WDR49: variants seen among roughly 807,000 people sequenced by gnomAD.
The protein encoded by WDR49 is WD repeat domain 49.
In WDR49, 107 loss-of-function variants were observed where a neutral mutation model predicts 119.5. The ratio of observed to expected loss-of-function variants is 0.90; its 90% CI spans 0.77 to 1.05. The LOEUF is 1.05. Among genes scored for constraint, WDR49 ranks in the 50% least tolerant of loss-of-function variants. WDR49 has a pLI of 0.00. For synonymous variants in WDR49, 425 were observed against 418.8 expected (o/e 1.01, Z -0.18); for missense variants, 1,240 against 1,220.5 (o/e 1.02, Z -0.24).
chr3:167,655,057 G>A (rs1238512051), upstream of WDR49, among the ~76,000 whole-genome samples: 1 of 152,148 alleles, frequency 6.6e-6, no homozygotes, highest in Non-Finnish European at 1.5e-5. Flanking sequence ...AATTTATAAA[G>A]GAAAGAGGTT....
chr3:167,621,958 T>C (rs1394041494), intron 3 of WDR49, among the ~76,000 whole-genome samples: 4 of 152,192 alleles, frequency 2.6e-5, no homozygotes, highest in South Asian at 2.1e-4. Flanking sequence ...CACAGAGATA[T>C]AGCATGATAC....
chr3:167,570,633 A>G (rs1345462477), intron 8 of WDR49, among the ~76,000 whole-genome samples: 1 of 152,262 alleles, frequency 6.6e-6, no homozygotes, highest in East Asian at 1.9e-4. Flanking sequence ...AACTTTGTAC[A>G]GATGCTATAC....
chr3:167,566,582 C>T (rs1035490219), intron 8 of WDR49, among the ~76,000 whole-genome samples: 1 of 152,018 alleles, frequency 6.6e-6, no homozygotes, highest in Non-Finnish European at 1.5e-5. Context: ...TAAGTTTACG[C>T]TGCAACAACA....
At chr3:167,511,577 TC>T (rs1359070996) in intron 16 of WDR49, among the ~76,000 whole-genome samples, 1 of 152,160 alleles carries the variant, frequency 6.6e-6, no homozygotes, top group Non-Finnish European at 1.5e-5. Context: ...CATGTTTTTT[TC>T]CACCGATCTG....
At chr3:167,559,926 T>C (rs1320337166) in intron 9 of WDR49, 138 bp downstream of exon 9, 1 of 804,882 alleles carries the variant, frequency 1.2e-6, no homozygotes, top group African/African-American at 1.7e-5. Context: ...TGGTTGGAGT[T>C]ATTTCACTCT....
In WDR49 at chr3:167,572,378, T is replaced by C. The variant is rs534199058; in HGVS notation, c.1509+3540A>G. Among the ~76,000 whole-genome samples the C allele has an allele frequency of 7.2e-5, 11 of 152,330 alleles. 1 individual carries two copies. Among genetic ancestry groups the C allele is most frequent in the South Asian group, 4.1e-4 (2 of 4,828 alleles). ...AAGCTGCTTTTATATAGGAATTATA[T>C]TGGGTCCCCACTGAAGTCCAAATAC... On this transcript the variant is annotated intron_variant, in intron 8 of 18. Transcript: ENST00000682715.
intron 8 of WDR49, among the ~76,000 whole-genome samples, chr3:167,572,567 T>A (rs1227440103): frequency 6.6e-6 from 1 of 152,202 alleles, no homozygotes; most frequent in African/African-American, 2.4e-5. Flanking sequence ...ACACTTGGGA[T>A]GAAAAATGGC....
At chr3:167,604,525 A>G in intron 5 of WDR49, 57 bp from the exon 6 acceptor site, 1 of 1,453,530 alleles carries the variant, frequency 6.9e-7, no homozygotes, top group Middle Eastern at 2.1e-4. Context: ...ACAAGATATT[A>G]GTAAAATGGA....
intron 2 of WDR49, among the ~76,000 whole-genome samples, chr3:167,632,285 A>C (rs1717411199): frequency 6.6e-6 from 1 of 152,100 alleles, no homozygotes; most frequent in Non-Finnish European, 1.5e-5. Context: ...TTTTACATTT[A>C]AGAATGTAGT....
chr3:167,635,404 C>G (rs1161803769), intron 2 of WDR49, among the ~76,000 whole-genome samples: 3 of 151,610 alleles, frequency 2.0e-5, no homozygotes, highest in Non-Finnish European at 4.4e-5. Context: ...AGTAATAAGC[C>G]TAAATATTAC....
intron 16 of WDR49, among the ~76,000 whole-genome samples, chr3:167,518,496 A>AT (rs796516951): frequency 7.2e-5 from 11 of 151,970 alleles, no homozygotes; most frequent in African/African-American, 2.7e-4. Context: ...GATGATGAGC[A>AT]TTTTTTCATG....
At chr3:167,606,964 G>A (rs577492556) in intron 5 of WDR49, among the ~76,000 whole-genome samples, 69 of 152,244 alleles carry the variant, frequency 4.5e-4, no homozygotes, top group African/African-American at 1.7e-3. Context: ...TTACACTTGG[G>A]TTCTATGACG....
intron 18 of WDR49, among the ~76,000 whole-genome samples, chr3:167,490,796 G>A (rs1246099154): frequency 6.6e-6 from 1 of 152,024 alleles, no homozygotes; most frequent in East Asian, 1.9e-4. Flanking sequence ...TGACGGATAT[G>A]CAAACTTTGT....
chr3:167,556,579 T>C (rs746083802), intron 9 of WDR49, among the ~76,000 whole-genome samples: 1 of 152,188 alleles, frequency 6.6e-6, no homozygotes, highest in African/African-American at 2.4e-5. Context: ...AGAGGTCACA[T>C]TGGTGCTATC....
chr3:167,612,773 T>C (rs192563665), intron 5 of WDR49, among the ~76,000 whole-genome samples: 5 of 145,148 alleles, frequency 3.4e-5, no homozygotes, highest in Admixed American at 2.7e-4. Flanking sequence ...GGAAGAAATC[T>C]TGTGTTAAGC....
intron 2 of WDR49, among the ~76,000 whole-genome samples, chr3:167,631,502 A>C (rs1385237372): frequency 6.6e-6 from 1 of 152,032 alleles, no homozygotes; most frequent in Non-Finnish European, 1.5e-5. Flanking sequence ...GGGATGAATA[A>C]ATTTTAGGAA....
chr3:167,605,939 A>C (rs1014280839), intron 5 of WDR49, among the ~76,000 whole-genome samples: 1 of 152,204 alleles, frequency 6.6e-6, no homozygotes, highest in Non-Finnish European at 1.5e-5. Flanking sequence ...GGACACTAGT[A>C]TTTGGTAGAG....
rs10451921 is a variant in WDR49, at chr3:167,575,372, C to T, written c.1509+546G>A. 2.4e-3 allele frequency: 1,996 copies of T among 842,434 alleles called. 3 individuals carry two copies. The highest frequency in any genetic ancestry group is 8.4e-3 in the African/African-American group (456 of 54,564). 52.2% of individuals were successfully genotyped at this position (842,434 alleles called of 1,614,324 possible). A position where few individuals can be genotyped will look rare whatever the true frequency, so the allele number is the denominator to read the frequency against. ...GTAGTGGTCCCCTAAGCCAAGGCTG[C>T]GGAGCGTCATTAAACTGGTGGGGAG... On this transcript the variant is annotated intron_variant, in intron 8 of 18. Transcript: ENST00000682715.
At chr3:167,538,286 A>T (rs1382554002) in intron 10 of WDR49, among the ~76,000 whole-genome samples, 1 of 152,160 alleles carries the variant, frequency 6.6e-6, no homozygotes, top group Non-Finnish European at 1.5e-5. Flanking sequence ...CAAATTTGAC[A>T]TCTTCCCTCC....
Sources: gnomAD v4.1 joint callset for allele counts (sites outside exome capture counted in the v4.1 genomes callset) on GRCh38, gnomAD v4.1.1 for gene constraint, MANE v1.5 for transcripts, NCBI Gene and HGNC (gene_info 2026-07-23, HGNC 2026-07-21) for gene names.